The following NECAB2 variants were observed in gnomAD, a reference collection of about 807,000 sequenced individuals.
The protein encoded by NECAB2 is N-terminal EF-hand calcium-binding protein 2.
NECAB2 carries 68 observed loss-of-function variants against 51.9 expected under a neutral mutation model. The observed-to-expected ratio is 1.31, with a 90% CI of 1.08 to 1.60. NECAB2 has a LOEUF of 1.60. NECAB2 is among the 40% of genes most tolerant of loss of function. The pLI, the probability that NECAB2 is intolerant of heterozygous loss-of-function variation, is 0.00. For missense variants in NECAB2, 854 were observed against 490.3 expected (o/e 1.74, Z -7.00); for synonymous variants, 329 against 203.5 (o/e 1.62, Z -5.25).
chr16:83,968,186 C>T (rs1216955190), upstream of NECAB2, among the ~76,000 whole-genome samples: 1 of 151,316 alleles, frequency 6.6e-6, no homozygotes, highest in African/African-American at 2.4e-5. Flanking sequence ...GGGCGCCGCT[C>T]CCCGGGGCTG....
intron 3 of NECAB2, 21 bp downstream of exon 3, chr16:83,978,573 G>A: frequency 1.3e-6 from 2 of 1,589,602 alleles, no homozygotes; most frequent in Non-Finnish European, 1.7e-6. Flanking sequence ...GTCCTGGCTG[G>A]CAGAGTGGGG....
chr16:83,993,701 A>G (rs1273677710), intron 6 of NECAB2: 5 of 154,866 alleles, frequency 3.2e-5, no homozygotes, highest in Non-Finnish European at 5.6e-5. Context: ...TGTGCCTGTC[A>G]GGGCACGCAG....
chr16:83,992,152 A>G (rs1399375631), intron 6 of NECAB2, among the ~76,000 whole-genome samples: 1 of 152,172 alleles, frequency 6.6e-6, no homozygotes, highest in Non-Finnish European at 1.5e-5. Context: ...TGAAGACAGT[A>G]GTAGCAAGTT....
chr16:83,998,626 G>A (rs1375165319), intron 10 of NECAB2, among the ~76,000 whole-genome samples: 1 of 152,178 alleles, frequency 6.6e-6, no homozygotes, highest in Non-Finnish European at 1.5e-5. Flanking sequence ...AGTGTGAAGG[G>A]CTCCAGCTGG....
intron 6 of NECAB2, among the ~76,000 whole-genome samples, chr16:83,992,751 C>G (rs552145753): frequency 5.6e-4 from 85 of 152,256 alleles, no homozygotes; most frequent in African/African-American, 1.8e-3. Context: ...GGCTCCTGGC[C>G]ATACTCACTG....
chr16:83,991,041 G>T (rs1471323573), intron 6 of NECAB2, among the ~76,000 whole-genome samples: 1 of 152,094 alleles, frequency 6.6e-6, no homozygotes, highest in African/African-American at 2.4e-5. Context: ...GAGTGCAGTG[G>T]CGTGATTTTG....
At chr16:83,970,644 C>CTGGA (rs2084337773) in intron 1 of NECAB2, among the ~76,000 whole-genome samples, 1 of 152,188 alleles carries the variant, frequency 6.6e-6, no homozygotes. Context: ...CCTCCTCCTC[C>CTGGA]TCCATGGCTG....
At position 83,998,261 on chromosome 16, in the gene NECAB2, T is replaced by C. The variant is rs1037935479; in HGVS notation, c.906T>C (p.Phe302=). The change falls in exon 10 of 13, where the codon TTT becomes TTC. Residue 302 remains phenylalanine (F), a synonymous_variant. Coordinates refer to ENST00000305202, the MANE Select transcript of NECAB2 (RefSeq NM_019065.3). Reference sequence around the variant, plus strand: ...TGTGCCCCGAGCAACTGAGCGAGTTTCTGGACTCTCTGCGCCAGTATCTGC... The same window carrying C: ...TGTGCCCCGAGCAACTGAGCGAGTTCCTGGACTCTCTGCGCCAGTATCTGC... ...MAVCPEQLSE[F]LDSLRQYLRG... 6.2e-7 allele frequency: 1 copy of C among 1,613,236 alleles called. No homozygotes were observed. Among genetic ancestry groups the C allele is most frequent in the South Asian group, 1.1e-5 (1 of 91,080 alleles).
At chr16:84,001,696 C>G (rs1597234823) in intron 11 of NECAB2, 129 bp from the exon 12 acceptor site, 3 of 939,348 alleles carry the variant, frequency 3.2e-6, no homozygotes, top group Admixed American at 2.2e-5. Context: ...CACAAAGGCT[C>G]TGAGTCCAAA....
At chr16:83,987,401 C>T (rs571577971) in intron 5 of NECAB2, among the ~76,000 whole-genome samples, 11 of 152,118 alleles carry the variant, frequency 7.2e-5, no homozygotes, top group African/African-American at 1.7e-4. Context: ...TGTTGTTTGA[C>T]GCATATAGAC....
intron 2 of NECAB2, among the ~76,000 whole-genome samples, chr16:83,976,616 A>C (rs2084414404): frequency 6.6e-6 from 1 of 152,134 alleles, no homozygotes; most frequent in African/African-American, 2.4e-5. Context: ...TGGTTTGTGC[A>C]TGTGTGGTTG....
intron 8 of NECAB2, among the ~76,000 whole-genome samples, chr16:83,995,728 A>G (rs1239415226): frequency 1.3e-5 from 2 of 152,104 alleles, no homozygotes; most frequent in African/African-American, 2.4e-5. Context: ...GGCAGGAACA[A>G]GGGGCTCCCC....
intron 6 of NECAB2, 85 bp downstream of exon 6, chr16:83,990,715 TGTACCTAAGAGCTGGGTGACCTTGGGCAA>T: frequency 1.9e-6 from 3 of 1,550,334 alleles, no homozygotes; most frequent in Non-Finnish European, 2.6e-6. Flanking sequence ...GGGATGTCTG[TGTACCTAAGAGCTGGGTGACCTTGGGCAA>T]GTTGCCACAG....
intron 10 of NECAB2, among the ~76,000 whole-genome samples, chr16:83,999,301 C>T (rs1191148415): frequency 1.3e-5 from 2 of 152,130 alleles, no homozygotes; most frequent in Admixed American, 6.5e-5. Flanking sequence ...TCCAGGAGGA[C>T]AGACTGCACA....
At chr16:83,983,939 C>T (rs1056986370) in intron 5 of NECAB2, among the ~76,000 whole-genome samples, 4 of 150,090 alleles carry the variant, frequency 2.7e-5, no homozygotes, top group African/African-American at 9.8e-5. Context: ...AAGGTCATCT[C>T]TACTTTTAGT....
chr16:83,983,486 A>C (rs1309393516), intron 5 of NECAB2, among the ~76,000 whole-genome samples: 3 of 152,176 alleles, frequency 2.0e-5, no homozygotes, highest in Non-Finnish European at 4.4e-5. Context: ...AATCCTTGTC[A>C]GCATGTTGGA....
chr16:83,998,227 A>T lies in NECAB2; in HGVS notation c.872A>T (p.Glu291Val). ...TNMHLQLVRQ[E>V]MAVCPEQLSE... ...CAGCACCTGCAGCTGGTCCGGCAGGAGATGGCCGTGTGCCCCGAGCAACTG... is the reference window on the plus strand; with the variant it reads ...CAGCACCTGCAGCTGGTCCGGCAGGTGATGGCCGTGTGCCCCGAGCAACTG... The change falls in exon 10 of 13, where the codon GAG becomes GTG. Residue 291 changes from glutamate (E) to valine (V), a missense_variant. Physicochemically the swap from Glu to Val is moderately radical, Grantham distance 121. Transcript: ENST00000305202. 6.2e-7 allele frequency: 1 copy of T among 1,611,324 alleles called. No individual in the cohort carries two copies. Among genetic ancestry groups the T allele is most frequent in the African/African-American group, 1.3e-5 (1 of 75,008 alleles).
chr16:83,966,666 C>T (rs560036116), upstream of NECAB2, among the ~76,000 whole-genome samples: 10 of 152,206 alleles, frequency 6.6e-5, no homozygotes, highest in Non-Finnish European at 1.3e-4. Flanking sequence ...GTCCCTCCTG[C>T]TGGCCAGGTC....
intron 2 of NECAB2, among the ~76,000 whole-genome samples, chr16:83,974,095 C>G (rs112964751): frequency 2.6e-5 from 4 of 152,046 alleles, no homozygotes; most frequent in African/African-American, 9.7e-5. Context: ...CCTCAAAGGC[C>G]GAGCCTGTTC....
Sources: gnomAD v4.1 joint callset for allele counts (sites outside exome capture counted in the v4.1 genomes callset) on GRCh38, gnomAD v4.1.1 for gene constraint, MANE v1.5 for transcripts, NCBI Gene and HGNC (gene_info 2026-07-23, HGNC 2026-07-21) for gene names.